Variants in CAST observed in about 807,000 individuals in gnomAD.
CAST encodes calpastatin.
CAST carries 76 observed loss-of-function variants against 119.6 expected under a neutral mutation model. The observed-to-expected ratio is 0.64, with a 90% CI of 0.53 to 0.77. The LOEUF (loss-of-function observed/expected upper bound fraction) is 0.77, where lower values mean the gene tolerates loss of function less well. Among genes scored for constraint, CAST ranks in the 30% least tolerant of loss-of-function variants. CAST has a pLI of 0.00. For missense variants in CAST, 953 were observed against 946.5 expected, an observed-to-expected ratio of 1.01 and a Z score of -0.09; for synonymous variants, 319 against 331.6, an observed-to-expected ratio of 0.96 and a Z score of 0.41.
intron 3 of CAST, chr5:96,702,809 G>C (rs1488591804): frequency 4.1e-6 from 4 of 985,350 alleles, no homozygotes; most frequent in Non-Finnish European, 4.8e-6. Context: ...CGCACTCAGA[G>C]AGCTGGGCTG....
At chr5:96,532,880 G>T (rs1001331808) in intron 1 of CAST, among the ~76,000 whole-genome samples, 1 of 151,762 alleles carries the variant, frequency 6.6e-6, no homozygotes, top group African/African-American at 2.4e-5. Context: ...TAAAAAATCA[G>T]CCAGGATGGT....
At chr5:96,705,497 CTG>C (rs529389720) in intron 3 of CAST, among the ~76,000 whole-genome samples, 187 of 152,166 alleles carry the variant, frequency 1.2e-3, no homozygotes, top group African/African-American at 4.3e-3. Context: ...TGGGCAGAAA[CTG>C]TGTAATCAAT....
At chr5:96,555,344 T>G (rs1274696421) in intron 1 of CAST, among the ~76,000 whole-genome samples, 1 of 152,180 alleles carries the variant, frequency 6.6e-6, no homozygotes, top group Non-Finnish European at 1.5e-5. Context: ...CTGAGGTACG[T>G]GTTCATCTCA....
the CAST span, among the ~76,000 whole-genome samples, chr5:96,288,492 C>T: frequency 1.9e-4 from 29 of 152,092 alleles, no homozygotes; most frequent in Non-Finnish European, 1.2e-4. Context: ...AGCAGTGACA[C>T]GGCAGCAAAG....
the CAST span, among the ~76,000 whole-genome samples, chr5:96,349,550 C>T: frequency 6.6e-6 from 1 of 152,210 alleles, no homozygotes; most frequent in Middle Eastern, 3.4e-3. Context: ...GTCAGCAAGA[C>T]ATTTACACTT....
chr5:96,145,335 A>G, the CAST span, among the ~76,000 whole-genome samples: 2 of 152,246 alleles, frequency 1.3e-5, no homozygotes, highest in Non-Finnish European at 2.9e-5. Context: ...TAGGTTGCAA[A>G]AATCTGACTC....
chr5:96,621,724 C>T (rs1747610106), intron 1 of CAST, among the ~76,000 whole-genome samples: 1 of 152,146 alleles, frequency 6.6e-6, no homozygotes, highest in Non-Finnish European at 1.5e-5. Context: ...AGAGCCAAAC[C>T]ATATCAGCAG....
chr5:96,603,803 C>T (rs1299528191), intron 1 of CAST, among the ~76,000 whole-genome samples: 2 of 128,518 alleles, frequency 1.6e-5, no homozygotes, highest in Admixed American at 9.2e-5. Flanking sequence ...ATTGCTCTGT[C>T]GCCCAGACTG....
intron 1 of CAST, among the ~76,000 whole-genome samples, chr5:96,534,340 T>A (rs1745742673): frequency 6.6e-6 from 1 of 152,134 alleles, no homozygotes; most frequent in South Asian, 2.1e-4. Context: ...TGATGTCAGA[T>A]TCCATATCAC....
chr5:96,158,726 G>A, the CAST span, among the ~76,000 whole-genome samples: 6 of 152,292 alleles, frequency 3.9e-5, no homozygotes, highest in Non-Finnish European at 8.8e-5. Context: ...GTAGGCATTG[G>A]CATCAGATGT....
chr5:96,641,599 C>A (rs555437955), intron 1 of CAST, among the ~76,000 whole-genome samples: 4 of 152,326 alleles, frequency 2.6e-5, no homozygotes, highest in Admixed American at 2.6e-4. Context: ...ACAGCCTCAT[C>A]TACAGCCTTC....
intron 1 of CAST, among the ~76,000 whole-genome samples, chr5:96,567,325 G>C (rs756987276): frequency 6.6e-6 from 1 of 151,972 alleles, no homozygotes; most frequent in East Asian, 1.9e-4. Context: ...TTTATAACGC[G>C]CCCAACAGCT....
At chr5:96,659,736 C>T (rs141531952), upstream of CAST, among the ~76,000 whole-genome samples, 1 of 151,980 alleles carries the variant, frequency 6.6e-6, no homozygotes, top group African/African-American at 2.4e-5. Context: ...CGTCGTGTTG[C>T]CCAGGCTGGT....
the CAST span, among the ~76,000 whole-genome samples, chr5:96,053,476 G>C: frequency 6.6e-6 from 1 of 152,178 alleles, no homozygotes; most frequent in South Asian, 2.1e-4. Context: ...GATAGACTTT[G>C]GAATAATTAC....
At chr5:96,267,244 G>A in the CAST span, among the ~76,000 whole-genome samples, 5 of 152,224 alleles carry the variant, frequency 3.3e-5, no homozygotes, top group South Asian at 6.2e-4. Context: ...CAACAAAAAG[G>A]AGTAGAAAAT....
the CAST span, chr5:96,421,938 C>T: frequency 6.9e-7 from 1 of 1,439,886 alleles, no homozygotes; most frequent in Non-Finnish European, 9.4e-7. Context: ...TCATTAAAAT[C>T]ATAGCTAGCC....
At chr5:96,636,969 AG>A (rs1262573300) in intron 1 of CAST, among the ~76,000 whole-genome samples, 2 of 138,292 alleles carry the variant, frequency 1.4e-5, no homozygotes, top group Non-Finnish European at 3.1e-5. Context: ...AGATCCTGGC[AG>A]GGGGGTCAGA....
the CAST span, among the ~76,000 whole-genome samples, chr5:96,167,216 T>C: frequency 6.6e-6 from 1 of 152,212 alleles, no homozygotes; most frequent in East Asian, 1.9e-4. Flanking sequence ...ATTTATTTAC[T>C]TTAAGAGTTA....
the CAST span, among the ~76,000 whole-genome samples, chr5:96,327,392 T>C: frequency 2.6e-5 from 4 of 152,246 alleles, no homozygotes; most frequent in African/African-American, 9.6e-5. Context: ...AGTATACTAC[T>C]GGGATCCTTA....
Sources: gnomAD v4.1 joint callset for allele counts (sites outside exome capture counted in the v4.1 genomes callset) on GRCh38, gnomAD v4.1.1 for gene constraint, MANE v1.5 for transcripts, NCBI Gene and HGNC (gene_info 2026-07-23, HGNC 2026-07-21) for gene names.